CSMD1: variants seen among roughly 807,000 people sequenced by gnomAD.
The protein encoded by CSMD1 is CUB and sushi domain-containing protein 1.
In CSMD1, 213 loss-of-function variants were observed where a neutral mutation model predicts 417.5. The ratio of observed to expected loss-of-function variants is 0.51; its 90% CI spans 0.46 to 0.57. The LOEUF (loss-of-function observed/expected upper bound fraction) is 0.57, where lower values mean the gene tolerates loss of function less well. Ranked by LOEUF, CSMD1 falls within the 20% of genes least tolerant of loss-of-function variation. The probability of loss-of-function intolerance (pLI) is 0.00; values close to 1 mark genes in which losing one functional copy is unlikely to be tolerated. For missense variants in CSMD1, 6,923 were observed against 4,529.7 expected (o/e 1.53, Z -15.17); for synonymous variants, 2,862 against 1,736.8 (o/e 1.65, Z -16.11).
intron 50 of CSMD1, among the ~76,000 whole-genome samples, chr8:3,035,631 G>A (rs941162024): frequency 6.6e-6 from 1 of 152,152 alleles, no homozygotes; most frequent in African/African-American, 2.4e-5. Context: ...CAAACTCCTT[G>A]AATGTTTTAA....
rs1317009143 is a variant in CSMD1 at position 4,398,385 on chromosome 8, C to CTTTTTTTTTTTTTTTTTTTTTTT, written c.415+21567_415+21568insAAAAAAAAAAAAAAAAAAAAAAA. On this transcript the variant is annotated intron_variant, in intron 3 of 69. Coordinates refer to ENST00000635120, the MANE Select transcript of CSMD1 (RefSeq NM_033225.6). ...CTCTTTTTAAATTGTCTTGCTGCAACTTCTTTTTTTTTTTTTTTTTTTTGT... is the reference window on the plus strand; with the variant it reads ...CTCTTTTTAAATTGTCTTGCTGCAACTTTTTTTTTTTTTTTTTTTTTTTTTCTTTTTTTTTTTTTTTTTTTTGT... 3.4e-5 allele frequency among the ~76,000 whole-genome samples: 4 copies of CTTTTTTTTTTTTTTTTTTTTTTT among 118,134 alleles called. 1 individual carries two copies. The highest frequency in any genetic ancestry group is 9.7e-5 in the African/African-American group (3 of 31,074). The allele number at this position is 118,134 out of a possible 152,430, so 77.5% of individuals were successfully genotyped here.
At chr8:4,535,052 C>T (rs1301681914) in intron 2 of CSMD1, among the ~76,000 whole-genome samples, 8 of 152,170 alleles carry the variant, frequency 5.3e-5, no homozygotes, top group Non-Finnish European at 7.3e-5. Context: ...TGAGCCACCA[C>T]GCCTGGCCAA....
At chr8:4,359,035 G>C (rs139518647) in intron 3 of CSMD1, among the ~76,000 whole-genome samples, 2 of 152,076 alleles carry the variant, frequency 1.3e-5, no homozygotes, top group Non-Finnish European at 2.9e-5. Flanking sequence ...GCCTATATAT[G>C]TGGCAAAATC....
chr8:3,040,943 G>A lies in CSMD1; in HGVS notation c.7661-11430C>T, dbSNP rs118123361. ...TGCAGCATCATGAACATTTTAAAAC[G>A]TGTTGAATGTTTCTACAGAAGTTCC... is the stretch of plus-strand genomic sequence containing the variant. On this transcript the variant is annotated intron_variant, in intron 50 of 69. Coordinates refer to ENST00000635120, the MANE Select transcript of CSMD1 (RefSeq NM_033225.6). Among the ~76,000 whole-genome samples the A allele has an allele frequency of 6.7e-3, 1,016 of 152,214 alleles. 11 individuals carry two copies. The highest frequency in any genetic ancestry group is 0.014 in the Middle Eastern group (4 of 294).
chr8:4,505,314 A>G (rs1434583485), intron 2 of CSMD1, among the ~76,000 whole-genome samples: 1 of 152,206 alleles, frequency 6.6e-6, no homozygotes, highest in East Asian at 1.9e-4. Context: ...GGTAAAAGAG[A>G]AACAGAAAAC....
intron 2 of CSMD1, among the ~76,000 whole-genome samples, chr8:4,439,920 G>T (rs983323487): frequency 1.3e-5 from 2 of 152,114 alleles, no homozygotes; most frequent in Admixed American, 6.5e-5. Flanking sequence ...GCTTAATAAG[G>T]AGTAATAATA....
chr8:4,031,050 G>A (rs1028462443), intron 4 of CSMD1, among the ~76,000 whole-genome samples: 1 of 152,018 alleles, frequency 6.6e-6, no homozygotes, highest in African/African-American at 2.4e-5. Context: ...CAGCACTTTG[G>A]TCAAAGCTAT....
At chr8:4,227,203 A>G (rs1019906789) in intron 3 of CSMD1, among the ~76,000 whole-genome samples, 3 of 152,144 alleles carry the variant, frequency 2.0e-5, no homozygotes, top group Non-Finnish European at 4.4e-5. Flanking sequence ...GTTTAAGTCA[A>G]ACTGAAAGTA....
At chr8:3,438,922 T>C (rs6986297) in intron 12 of CSMD1, among the ~76,000 whole-genome samples, 113,324 of 150,398 alleles carry the variant, frequency 0.75, 42,781 homozygotes, top group East Asian at 0.85. Flanking sequence ...TCAAGATGAG[T>C]CTGGCCAACC....
intron 7 of CSMD1, among the ~76,000 whole-genome samples, chr8:3,704,340 T>G (rs193172967): frequency 1.1e-4 from 17 of 152,210 alleles, no homozygotes; most frequent in Non-Finnish European, 8.8e-5. Flanking sequence ...TTTCCTCCCT[T>G]TTTCAGGCAT....
intron 1 of CSMD1, among the ~76,000 whole-genome samples, chr8:4,877,474 T>C (rs1803123672): frequency 6.6e-6 from 1 of 152,112 alleles, no homozygotes; most frequent in Non-Finnish European, 1.5e-5. Context: ...TCATATTTGC[T>C]ATTTCAAAGT....
At chr8:4,354,654 T>G (rs1174371995) in intron 3 of CSMD1, among the ~76,000 whole-genome samples, 2 of 152,082 alleles carry the variant, frequency 1.3e-5, no homozygotes, top group African/African-American at 2.4e-5. Flanking sequence ...CATGAACATC[T>G]ATGCAGAATT....
intron 3 of CSMD1, among the ~76,000 whole-genome samples, chr8:4,327,787 G>C (rs944129454): frequency 5.9e-5 from 9 of 152,194 alleles, no homozygotes; most frequent in African/African-American, 2.2e-4. Flanking sequence ...AAAACCAAAT[G>C]TAACTTTTCT....
At chr8:3,019,963 C>T (rs1263847375) in intron 51 of CSMD1, among the ~76,000 whole-genome samples, 1 of 152,230 alleles carries the variant, frequency 6.6e-6, no homozygotes, top group Non-Finnish European at 1.5e-5. Flanking sequence ...GCTAGGTGAG[C>T]ACTGATGTGC....
chr8:4,632,723 T>C (rs774060775), intron 2 of CSMD1, among the ~76,000 whole-genome samples: 1 of 152,164 alleles, frequency 6.6e-6, no homozygotes, highest in Non-Finnish European at 1.5e-5. Flanking sequence ...GTGGCCAGTG[T>C]TACAGGAGTT....
intron 3 of CSMD1, among the ~76,000 whole-genome samples, chr8:4,197,548 C>A (rs1203752848): frequency 1.3e-5 from 2 of 152,142 alleles, no homozygotes; most frequent in African/African-American, 4.8e-5. Context: ...CCAACTAAAA[C>A]ACTGGTTCTA....
intron 3 of CSMD1, among the ~76,000 whole-genome samples, chr8:4,128,408 G>A (rs965378379): frequency 2.4e-4 from 37 of 152,140 alleles, no homozygotes; most frequent in African/African-American, 6.8e-4. Context: ...AAACATCTGT[G>A]ATGACTCTAT....
chr8:4,087,352 C>A (rs1005783743), intron 3 of CSMD1, among the ~76,000 whole-genome samples: 2 of 152,200 alleles, frequency 1.3e-5, no homozygotes, highest in South Asian at 2.1e-4. Flanking sequence ...ACTTGCAAGT[C>A]TGAATTTGCT....
intron 4 of CSMD1, among the ~76,000 whole-genome samples, chr8:4,012,191 CTG>C: frequency 6.6e-6 from 1 of 152,170 alleles, no homozygotes; most frequent in South Asian, 2.1e-4. Context: ...ACAGGGCTGA[CTG>C]TATATGATTC....
Sources: allele counts gnomAD v4.1 joint callset (sites outside exome capture counted in the v4.1 genomes callset), GRCh38; gene constraint gnomAD v4.1.1; transcripts MANE v1.5; gene names NCBI Gene and HGNC (gene_info 2026-07-23, HGNC 2026-07-21).